TTC17: variants seen among roughly 807,000 people sequenced by gnomAD.
The protein encoded by TTC17 is tetratricopeptide repeat protein 17.
Under a neutral mutation model 143.8 loss-of-function variants are expected in TTC17, and 58 were observed. The ratio of observed to expected loss-of-function variants is 0.40; its 90% CI spans 0.33 to 0.50. The LOEUF is 0.50. TTC17 is among the 20% of genes least tolerant of loss of function. The probability of loss-of-function intolerance (pLI) is 0.49; values close to 1 mark genes in which losing one functional copy is unlikely to be tolerated. For missense variants in TTC17, 1,273 were observed against 1,392.5 expected (o/e 0.91, Z 1.37); for synonymous variants, 501 against 497.8 (o/e 1.01, Z -0.09).
At chr11:43,365,684 G>A (rs1449956999) in intron 1 of TTC17, among the ~76,000 whole-genome samples, 2 of 152,184 alleles carry the variant, frequency 1.3e-5, no homozygotes, top group African/African-American at 4.8e-5. Context: ...AAAATAATTG[G>A]GGAATTGGGA....
At chr11:43,490,196 T>C (rs747940670) in intron 21 of TTC17, 43 bp from the exon 22 acceptor site, 2 of 1,577,978 alleles carry the variant, frequency 1.3e-6, no homozygotes, top group Non-Finnish European at 1.7e-6. Flanking sequence ...TAAATGAGTA[T>C]GTTCTTGAAA....
intron 16 of TTC17, among the ~76,000 whole-genome samples, chr11:43,425,992 T>C (rs932675008): frequency 6.6e-6 from 1 of 152,208 alleles, no homozygotes; most frequent in Non-Finnish European, 1.5e-5. Context: ...GTCACAAATA[T>C]ACAGTGAGAT....
chr11:43,362,416 G>A (rs931443743), intron 1 of TTC17, among the ~76,000 whole-genome samples: 2 of 152,102 alleles, frequency 1.3e-5, no homozygotes, highest in African/African-American at 4.8e-5. Flanking sequence ...ATAAAGATAG[G>A]CACCCACCAG....
intron 1 of TTC17, among the ~76,000 whole-genome samples, chr11:43,376,091 T>C: frequency 6.6e-6 from 1 of 152,218 alleles, no homozygotes; most frequent in South Asian, 2.1e-4. Context: ...GAATCCAAAA[T>C]GCTGCAGTGA....
chr11:43,421,072 A>T (rs1946892013), intron 16 of TTC17, among the ~76,000 whole-genome samples: 1 of 152,194 alleles, frequency 6.6e-6, no homozygotes, highest in African/African-American at 2.4e-5. Flanking sequence ...TCCAGCTCTT[A>T]CAGAGCTACA....
At position 43,451,264 on chromosome 11, in the gene TTC17, AG is replaced by A; in HGVS notation, c.3030+1del. 6.2e-7 allele frequency: 1 copy of A among 1,613,252 alleles called. No individual in the cohort carries two copies. Among genetic ancestry groups the A allele is most frequent in the Non-Finnish European group, 8.5e-7 (1 of 1,179,248 alleles). On this transcript the variant is annotated frameshift_variant and splice_region_variant, in exon 21 of 24. Transcript: ENST00000039989. LOFTEE classifies it high-confidence loss of function. ...IGTRIAKVLEKNQTSWVLSSM... is the reference protein window; with the variant it reads ...IGTRIAKVLEXNQTSWVLSSM... ...ACCCGAATTGCCAAAGTTTTGGAAA[AG>A]GTAAGTCACCCCACAGAAAAGCTGG...
At position 43,360,895 on chromosome 11, in the gene TTC17, C is replaced by G. The variant is rs146100828; in HGVS notation, c.159+1782C>G. On this transcript the variant is annotated intron_variant, in intron 1 of 23. Transcript: ENST00000039989. ...GCTTAAAGTTTAAAAAGCAAGATTT[C>G]TCTATTACATGACTTTTTAAGTGAT... Among the ~76,000 whole-genome samples, 203 of 152,178 alleles carry G rather than the reference C, an allele frequency of 1.3e-3. 1 individual carries two copies. Among genetic ancestry groups the G allele is most frequent in the Non-Finnish European group, 2.7e-3 (185 of 67,988 alleles).
intron 13 of TTC17, among the ~76,000 whole-genome samples, chr11:43,406,492 TATTAG>T: frequency 6.6e-6 from 1 of 151,982 alleles, no homozygotes; most frequent in Non-Finnish European, 1.5e-5. Flanking sequence ...TATATTACCA[TATTAG>T]ATATCATTCC....
chr11:43,486,215 G>A (rs942033220), intron 21 of TTC17, among the ~76,000 whole-genome samples: 3 of 151,930 alleles, frequency 2.0e-5, no homozygotes, highest in African/African-American at 7.3e-5. Context: ...GTCTATTATG[G>A]TCCAAAAATA....
chr11:43,446,267 T>G, intron 18 of TTC17: 1 of 956,690 alleles, frequency 1.0e-6, no homozygotes, highest in Non-Finnish European at 1.3e-6. Context: ...TCCTTAAACT[T>G]CAAAATCAAG....
At chr11:43,449,974 T>G in intron 19 of TTC17, 108 bp from the exon 20 acceptor site, 4 of 1,247,762 alleles carry the variant, frequency 3.2e-6, no homozygotes, top group Non-Finnish European at 4.5e-6. Flanking sequence ...GAAGCTATGA[T>G]GAGCTGATTG....
At chr11:43,373,013 C>T (rs1422859992) in intron 1 of TTC17, among the ~76,000 whole-genome samples, 3 of 151,960 alleles carry the variant, frequency 2.0e-5, no homozygotes, top group Non-Finnish European at 4.4e-5. Context: ...AAATATTTAC[C>T]TACAAAGCTC....
At chr11:43,461,725 A>G (rs1483324837) in intron 21 of TTC17, among the ~76,000 whole-genome samples, 1 of 152,230 alleles carries the variant, frequency 6.6e-6, no homozygotes, top group Non-Finnish European at 1.5e-5. Flanking sequence ...AATTTTATGT[A>G]CTGTATATCT....
At chr11:43,393,747 A>G (rs192940392) in intron 5 of TTC17, among the ~76,000 whole-genome samples, 1 of 152,302 alleles carries the variant, frequency 6.6e-6, no homozygotes, top group African/African-American at 2.4e-5. Context: ...TGAAAGACAC[A>G]CATTACTCCT....
At position 43,476,746 on chromosome 11, in the gene TTC17, C is replaced by G. The variant is rs180732672; in HGVS notation, c.3031-13493C>G. Among the ~76,000 whole-genome samples the G allele has an allele frequency of 7.8e-3, 1,181 of 152,354 alleles. 10 individuals carry two copies. Among genetic ancestry groups the G allele is most frequent in the Non-Finnish European group, 0.013 (915 of 68,032 alleles). ...GCCCAGCCCACAAAACCACTTTTTC[C>G]TCCTGGGCCTCTGGGCCTGTGATGG... On this transcript the variant is annotated intron_variant, in intron 21 of 23. Transcript: ENST00000039989.
At chr11:43,419,013 A>G (rs1946840726) in intron 16 of TTC17, among the ~76,000 whole-genome samples, 1 of 152,178 alleles carries the variant, frequency 6.6e-6, no homozygotes, top group Non-Finnish European at 1.5e-5. Context: ...TTATATTAGC[A>G]TAAAACCAAT....
chr11:43,400,193 T>C, intron 9 of TTC17, 145 bp downstream of exon 9: 1 of 925,008 alleles, frequency 1.1e-6, no homozygotes. Flanking sequence ...TTCATCACTG[T>C]GGGTATACCA....
intron 21 of TTC17, among the ~76,000 whole-genome samples, chr11:43,484,505 G>A (rs1032984157): frequency 6.6e-6 from 1 of 152,136 alleles, no homozygotes; most frequent in Admixed American, 6.5e-5. Context: ...GAAGACACAT[G>A]TTATAAACAT....
intron 1 of TTC17, among the ~76,000 whole-genome samples, chr11:43,362,157 GT>G (rs1856138305): frequency 8.6e-6 from 1 of 116,592 alleles, no homozygotes; most frequent in Non-Finnish European, 1.9e-5. Context: ...ATTTGTGTGT[GT>G]GTGTGTGTGT....
Sources: allele counts gnomAD v4.1 joint callset (sites outside exome capture counted in the v4.1 genomes callset), GRCh38; gene constraint gnomAD v4.1.1; transcripts MANE v1.5; gene names NCBI Gene and HGNC (gene_info 2026-07-23, HGNC 2026-07-21).